Variants in BRMS1L observed in about 807,000 individuals in gnomAD.
The protein encoded by BRMS1L is breast cancer metastasis-suppressor 1-like protein.
A neutral mutation model predicts 50.3 loss-of-function variants in BRMS1L; 23 were observed. The ratio of observed to expected loss-of-function variants is 0.46; its 90% CI spans 0.33 to 0.65. The LOEUF is 0.65. Among genes scored for constraint, BRMS1L ranks in the 30% least tolerant of loss-of-function variants. The pLI, the probability that BRMS1L is intolerant of heterozygous loss-of-function variation, is 0.02. For synonymous variants in BRMS1L, 114 were observed against 126.9 expected (o/e 0.90, Z 0.69); for missense variants, 286 against 386.1 (o/e 0.74, Z 2.17).
At chr14:35,852,571 TTTTATTCCTAATTG>T (rs530527975) in intron 4 of BRMS1L, among the ~76,000 whole-genome samples, 1 of 152,240 alleles carries the variant, frequency 6.6e-6, no homozygotes, top group East Asian at 1.9e-4. Flanking sequence ...TTCCTAATTG[TTTTATTCCTAATTG>T]TTTATTCCTA....
In BRMS1L at chr14:35,839,425, G is replaced by A. The variant is rs139795272; in HGVS notation, c.441+4502G>A. Among the ~76,000 whole-genome samples, 602 of 152,264 alleles carry A rather than the reference G, an allele frequency of 4.0e-3. 4 individuals carry two copies. The highest frequency in any genetic ancestry group is 0.014 in the African/African-American group (568 of 41,564). ...CTTTGAAGAAAGTCAATGGTAGCTT[G>A]ATCAGAATAGCATTGAATCTTTAAA... On this transcript the variant is annotated intron_variant, in intron 4 of 9. Transcript: ENST00000216807.
chr14:35,862,141 A>G (rs1594346392), intron 4 of BRMS1L, among the ~76,000 whole-genome samples: 1 of 152,138 alleles, frequency 6.6e-6, no homozygotes, highest in Admixed American at 6.6e-5. Flanking sequence ...CTCTTTGCCT[A>G]TTTTAATATG....
At chr14:35,841,540 G>C (rs1346462768) in intron 4 of BRMS1L, among the ~76,000 whole-genome samples, 1 of 152,090 alleles carries the variant, frequency 6.6e-6, no homozygotes, top group Non-Finnish European at 1.5e-5. Context: ...CTCGTGATCT[G>C]CCCGCCTTGG....
At chr14:35,830,474 C>G (rs2077904932) in intron 1 of BRMS1L, among the ~76,000 whole-genome samples, 2 of 152,098 alleles carry the variant, frequency 1.3e-5, no homozygotes, top group Non-Finnish European at 2.9e-5. Flanking sequence ...CCTCCCACTT[C>G]GGTCTCTCGA....
At chr14:35,826,751 G>A (rs1218954724) in intron 1 of BRMS1L, 93 bp downstream of exon 1, 31 of 1,530,714 alleles carry the variant, frequency 2.0e-5, no homozygotes, top group Non-Finnish European at 2.7e-5. Flanking sequence ...TGCTGGGAAA[G>A]CGGGGCGGGG....
chr14:35,850,999 T>C (rs994880472), intron 4 of BRMS1L, among the ~76,000 whole-genome samples: 10 of 152,208 alleles, frequency 6.6e-5, no homozygotes, highest in African/African-American at 2.4e-4. Flanking sequence ...TTCCTTCACT[T>C]CTTAGCTCCC....
chr14:35,857,745 A>G (rs1353436169), intron 4 of BRMS1L, among the ~76,000 whole-genome samples: 3 of 151,968 alleles, frequency 2.0e-5, no homozygotes, highest in African/African-American at 7.3e-5. Context: ...AATTATAAAT[A>G]TTGTTTACTG....
At chr14:35,858,342 C>T (rs1190015867) in intron 4 of BRMS1L, among the ~76,000 whole-genome samples, 3 of 152,154 alleles carry the variant, frequency 2.0e-5, no homozygotes, top group Non-Finnish European at 4.4e-5. Flanking sequence ...CCAGCTGCAT[C>T]TGTCTTCTTG....
intron 4 of BRMS1L, among the ~76,000 whole-genome samples, chr14:35,840,925 T>G (rs2078055057): frequency 6.6e-6 from 1 of 152,196 alleles, no homozygotes; most frequent in Admixed American, 6.5e-5. Flanking sequence ...CTTCTCTAGT[T>G]CTTTTAATTG....
chr14:35,826,477 G>C lies in BRMS1L; in HGVS notation c.-40G>C. 1 of 1,555,046 alleles carries C rather than the reference G, an allele frequency of 6.4e-7. No individual in the cohort carries two copies. The highest frequency in any genetic ancestry group is 8.7e-7 in the Non-Finnish European group (1 of 1,149,594). Reference sequence around the variant, plus strand: ...CCTTCATTGAAGCGGCGGTGGCCGGGCTGGGCGCCGGTAGTGGAAAGCGAC... The same window carrying C: ...CCTTCATTGAAGCGGCGGTGGCCGGCCTGGGCGCCGGTAGTGGAAAGCGAC... On this transcript the variant is annotated 5_prime_UTR_variant, in exon 1 of 10. Coordinates refer to ENST00000216807, the MANE Select transcript of BRMS1L (RefSeq NM_032352.4).
At chr14:35,866,434 C>CA (rs2078422238) in intron 8 of BRMS1L, among the ~76,000 whole-genome samples, 1 of 152,188 alleles carries the variant, frequency 6.6e-6, no homozygotes, top group Non-Finnish European at 1.5e-5. Context: ...GGCATGGTGG[C>CA]TCATGCCTAG....
rs1245193088 is a variant in BRMS1L, at chr14:35,871,941, T to TA, written c.*1469dup. 1 of 152,264 alleles carries TA rather than the reference T, an allele frequency of 6.6e-6. No individual in the cohort carries two copies. The highest frequency in any genetic ancestry group is 2.4e-5 in the African/African-American group (1 of 41,470). The allele number at this position is 152,264 out of a possible 1,614,324, so 9.4% of individuals were successfully genotyped here. A position where few individuals can be genotyped will look rare whatever the true frequency, so the allele number is the denominator to read the frequency against. On this transcript the variant is annotated 3_prime_UTR_variant, in exon 10 of 10. Coordinates refer to ENST00000216807, the MANE Select transcript of BRMS1L (RefSeq NM_032352.4). ...TTGTATTTTTAAATTTAGTATATAA[T>TA]AAAAAGATGTGTTTCAGTGTGATTT...
At chr14:35,844,616 C>T (rs755172331) in intron 4 of BRMS1L, among the ~76,000 whole-genome samples, 9 of 152,136 alleles carry the variant, frequency 5.9e-5, no homozygotes, top group Non-Finnish European at 1.2e-4. Context: ...GCTGCCGACC[C>T]GAGCTGTTCC....
chr14:35,868,277 G>A (rs1442622049), intron 9 of BRMS1L, among the ~76,000 whole-genome samples: 1 of 152,156 alleles, frequency 6.6e-6, no homozygotes. Flanking sequence ...ATTTAGCCAG[G>A]TAGCTGATCC....
chr14:35,868,815 G>A lies in BRMS1L; in HGVS notation c.854+783G>A, dbSNP rs544790986. Among the ~76,000 whole-genome samples, 6 of 152,206 alleles carry A rather than the reference G, an allele frequency of 3.9e-5. No individual in the cohort carries two copies. The South Asian group carries it at 1.3e-3, about 32-fold the overall frequency. The stretch of plus-strand genomic sequence containing the variant: ...AACAACAAACAACAACAACAACACA[G>A]TGTAACTTGAAAACTGCCTTTTAAA... On this transcript the variant is annotated intron_variant, in intron 9 of 9. Coordinates refer to ENST00000216807, the MANE Select transcript of BRMS1L (RefSeq NM_032352.4).
rs2078073465 is a variant in BRMS1L at position 35,842,067 on chromosome 14, T to C, written c.441+7144T>C. Among the ~76,000 whole-genome samples the C allele has an allele frequency of 4.6e-5, 7 of 151,910 alleles. No individual in the cohort carries two copies. In the South Asian group the frequency reaches 1.5e-3, roughly 32 times the overall value. The stretch of plus-strand genomic sequence containing the variant: ...CCTCCATCCCTTTATTTTGAGCTTA[T>C]GTGTTTCTTTGCACGTGAGATGCGT... On this transcript the variant is annotated intron_variant, in intron 4 of 9. Coordinates refer to ENST00000216807, the MANE Select transcript of BRMS1L (RefSeq NM_032352.4).
intron 4 of BRMS1L, among the ~76,000 whole-genome samples, chr14:35,852,961 GTATT>G (rs1179385940): frequency 6.7e-6 from 1 of 150,138 alleles, no homozygotes; most frequent in African/African-American, 2.5e-5. Context: ...ATATCACCTT[GTATT>G]TCTATCAGTC....
chr14:35,848,899 T>A (rs1281693027), intron 4 of BRMS1L, among the ~76,000 whole-genome samples: 1 of 152,240 alleles, frequency 6.6e-6, no homozygotes. Flanking sequence ...AACTTCCATA[T>A]CTTGGAGGTG....
rs747597897 is a variant in BRMS1L at position 35,864,885 on chromosome 14, T to A, written c.623-50T>A. 9.7e-6 allele frequency: 12 copies of A among 1,232,972 alleles called. 1 individual carries two copies. In the South Asian group the frequency reaches 1.5e-4, roughly 15 times the overall value. The allele number at this position is 1,232,972 out of a possible 1,614,324, so 76.4% of individuals were successfully genotyped here. A position where few individuals can be genotyped will look rare whatever the true frequency, so the allele number is the denominator to read the frequency against. On this transcript the variant is annotated intron_variant, in intron 6 of 9. Transcript: ENST00000216807. The stretch of plus-strand genomic sequence containing the variant: ...TCTGAAATGTAGTACTTTGGAAATA[T>A]AATTCAAAGTGTGATATTCTTACAG...
Sources: gnomAD v4.1 joint callset for allele counts (sites outside exome capture counted in the v4.1 genomes callset) on GRCh38, gnomAD v4.1.1 for gene constraint, MANE v1.5 for transcripts, NCBI Gene and HGNC (gene_info 2026-07-23, HGNC 2026-07-21) for gene names.